TNRC6B: variants seen among roughly 807,000 people sequenced by gnomAD.
TNRC6B encodes the protein trinucleotide repeat-containing gene 6B protein.
TNRC6B carries 52 observed loss-of-function variants against 203.6 expected under a neutral mutation model. That is an observed-to-expected ratio of 0.26 (90% CI 0.20 to 0.32). TNRC6B has a LOEUF of 0.32. Ranked by LOEUF, TNRC6B falls within the 10% of genes least tolerant of loss-of-function variation. The pLI, the probability that TNRC6B is intolerant of heterozygous loss-of-function variation, is 1.00. For synonymous variants in TNRC6B, 838 were observed against 845.7 expected (o/e 0.99, Z 0.16); for missense variants, 1,923 against 2,286.2 (o/e 0.84, Z 3.24).
intron 12 of TNRC6B, among the ~76,000 whole-genome samples, chr22:40,290,147 C>T (rs2070850326): frequency 6.6e-6 from 1 of 152,212 alleles, no homozygotes. Flanking sequence ...GATTCTCTGA[C>T]ACCGCACTGT....
intron 1 of TNRC6B, among the ~76,000 whole-genome samples, chr22:40,205,989 C>T (rs561680804): frequency 2.6e-5 from 4 of 152,178 alleles, no homozygotes; most frequent in Non-Finnish European, 4.4e-5. Flanking sequence ...TGCTGGCTTC[C>T]GTTTCCAGAG....
chr22:40,252,592 G>A (rs1331340401), intron 3 of TNRC6B, among the ~76,000 whole-genome samples: 1 of 152,172 alleles, frequency 6.6e-6, no homozygotes, highest in Admixed American at 6.5e-5. Flanking sequence ...CATTTCAAAG[G>A]AGAATGTAGT....
At chr22:40,229,991 G>C (rs923965009) in intron 1 of TNRC6B, among the ~76,000 whole-genome samples, 1 of 152,118 alleles carries the variant, frequency 6.6e-6, no homozygotes. Flanking sequence ...ATGAATGGCT[G>C]GGTCATATAG....
At chr22:40,058,945 GA>G (rs1224072852) in intron 1 of TNRC6B, among the ~76,000 whole-genome samples, 1 of 152,082 alleles carries the variant, frequency 6.6e-6, no homozygotes, top group Non-Finnish European at 1.5e-5. Context: ...TTTCTCCCCA[GA>G]AAACATTTCC....
At chr22:40,248,767 T>A (rs2070143712) in intron 2 of TNRC6B, among the ~76,000 whole-genome samples, 1 of 152,246 alleles carries the variant, frequency 6.6e-6, no homozygotes, top group Non-Finnish European at 1.5e-5. Context: ...ATTAATTTTA[T>A]GAACAATAAA....
In TNRC6B at chr22:40,322,778, A is replaced by G. The variant is rs2071352249; in HGVS notation, c.5115-76A>G. 27 of 1,542,320 alleles carry G rather than the reference A, an allele frequency of 1.8e-5. 1 individual carries two copies. Among genetic ancestry groups the G allele is most frequent in the Admixed American group, 5.2e-5 (3 of 58,222 alleles). ...TCAAAGGACTGCACATTGAATGTCA[A>G]GGACTGCAGTCGCTCCCTCCGTATG... is the stretch of plus-strand genomic sequence containing the variant. On this transcript the variant is annotated intron_variant, in intron 22 of 22. Coordinates refer to ENST00000454349, the MANE Select transcript of TNRC6B (RefSeq NM_001162501.2).
At chr22:40,092,541 C>G (rs117790180) in intron 1 of TNRC6B, among the ~76,000 whole-genome samples, 6,285 of 152,036 alleles carry the variant, frequency 0.041, 186 homozygotes, top group Non-Finnish European at 0.062. Context: ...TGGGTTGTTG[C>G]TATGTTACCC....
chr22:40,181,802 G>T (rs556837932), intron 1 of TNRC6B, among the ~76,000 whole-genome samples: 1 of 152,222 alleles, frequency 6.6e-6, no homozygotes, highest in African/African-American at 2.4e-5. Flanking sequence ...AAATTAGCTG[G>T]GCATGGTGGC....
In TNRC6B at chr22:40,315,163, A is replaced by G. The variant is rs540185688; in HGVS notation, c.4679-120A>G. 43 of 781,990 alleles carry G rather than the reference A, an allele frequency of 5.5e-5. No individual in the cohort carries two copies. The African/African-American group carries it at 5.9e-4, about 11-fold the overall frequency. 48.4% of individuals were successfully genotyped at this position (781,990 alleles called of 1,614,324 possible). A position where few individuals can be genotyped will look rare whatever the true frequency, so the allele number is the denominator to read the frequency against. On this transcript the variant is annotated intron_variant, in intron 19 of 22. Coordinates refer to ENST00000454349, the MANE Select transcript of TNRC6B (RefSeq NM_001162501.2). ...TATTGCTGTGCTTAAAATGTGTACT[A>G]TTACTTTTTAGAATATAAATGTGCA...
At chr22:40,299,167 A>C (rs1278033548) in intron 12 of TNRC6B, among the ~76,000 whole-genome samples, 3 of 151,494 alleles carry the variant, frequency 2.0e-5, no homozygotes, top group African/African-American at 4.8e-5. Context: ...ACAAAAAAAA[A>C]AAAAAAACAA....
intron 3 of TNRC6B, among the ~76,000 whole-genome samples, chr22:40,131,724 C>T (rs546541538): frequency 2.0e-5 from 3 of 152,286 alleles, no homozygotes; most frequent in South Asian, 4.1e-4. Flanking sequence ...CAGTTTAGAA[C>T]GAGCTTTTTT....
intron 1 of TNRC6B, among the ~76,000 whole-genome samples, chr22:40,096,884 A>G (rs1051716166): frequency 2.0e-5 from 3 of 152,252 alleles, no homozygotes; most frequent in Non-Finnish European, 4.4e-5. Flanking sequence ...TGTTCTGAAA[A>G]GAACAAGTTG....
At chr22:40,204,673 T>G (rs1000427041) in intron 1 of TNRC6B, among the ~76,000 whole-genome samples, 1 of 152,220 alleles carries the variant, frequency 6.6e-6, no homozygotes, top group Non-Finnish European at 1.5e-5. Flanking sequence ...CCTGGCCTCC[T>G]TGATGCTCTT....
intron 1 of TNRC6B, among the ~76,000 whole-genome samples, chr22:40,184,760 TG>T (rs1233275100): frequency 6.6e-6 from 1 of 151,998 alleles, no homozygotes; most frequent in Non-Finnish European, 1.5e-5. Flanking sequence ...TATGAGAAGA[TG>T]GGGTTGGAGA....
At chr22:40,138,943 A>C (rs1305823671) in intron 3 of TNRC6B, among the ~76,000 whole-genome samples, 1 of 152,242 alleles carries the variant, frequency 6.6e-6, no homozygotes, top group Non-Finnish European at 1.5e-5. Flanking sequence ...AGCTTTATTA[A>C]GGTATACTTT....
chr22:40,297,882 G>A (rs935225596), intron 12 of TNRC6B, among the ~76,000 whole-genome samples: 1 of 151,668 alleles, frequency 6.6e-6, no homozygotes, highest in African/African-American at 2.4e-5. Flanking sequence ...CAGCACTTTG[G>A]GAGACCGAGG....
chr22:40,059,719 T>C (rs2067831054), intron 1 of TNRC6B, among the ~76,000 whole-genome samples: 1 of 152,172 alleles, frequency 6.6e-6, no homozygotes, highest in Admixed American at 6.5e-5. Context: ...TTTTTCTTTT[T>C]TAGTCTGTTA....
intron 1 of TNRC6B, among the ~76,000 whole-genome samples, chr22:40,231,245 CAT>C (rs1288408719): frequency 6.6e-6 from 1 of 152,072 alleles, no homozygotes; most frequent in African/African-American, 2.4e-5. Flanking sequence ...TTTGCTTTTC[CAT>C]ATGAATTTTA....
At chr22:40,214,091 C>A (rs2069600264) in intron 1 of TNRC6B, among the ~76,000 whole-genome samples, 1 of 152,012 alleles carries the variant, frequency 6.6e-6, no homozygotes, top group Non-Finnish European at 1.5e-5. Flanking sequence ...CATGGTGAAA[C>A]CCCATCTCTA....
Sources: allele counts gnomAD v4.1 joint callset (sites outside exome capture counted in the v4.1 genomes callset), GRCh38; gene constraint gnomAD v4.1.1; transcripts MANE v1.5; gene names NCBI Gene and HGNC (gene_info 2026-07-23, HGNC 2026-07-21).